CCT3: variants seen among roughly 807,000 people sequenced by gnomAD.
CCT3 encodes the protein chaperonin containing TCP1 subunit 3.
A neutral mutation model predicts 65.3 loss-of-function variants in CCT3; 10 were observed. The observed-to-expected ratio is 0.15, with a 90% CI of 0.09 to 0.26. The LOEUF is 0.26. Ranked by LOEUF, CCT3 falls within the 10% of genes least tolerant of loss-of-function variation. The pLI is 1.00. For missense variants in CCT3, 626 were observed against 708.7 expected (o/e 0.88, Z 1.33); for synonymous variants, 225 against 242.3 (o/e 0.93, Z 0.66).
chr1:156,334,968 T>A (rs766324694), intron 2 of CCT3, 50 bp from the exon 3 acceptor site: 4 of 1,543,602 alleles, frequency 2.6e-6, no homozygotes, highest in Non-Finnish European at 1.8e-6. Flanking sequence ...GAGGACAGTG[T>A]GAGAAATGTT....
chr1:156,310,653 C>G lies in CCT3; in HGVS notation c.1438G>C (p.Val480Leu). 6.2e-7 allele frequency: 1 copy of G among 1,613,964 alleles called. No individual in the cohort carries two copies. The highest frequency in any genetic ancestry group is 8.5e-7 in the Non-Finnish European group (1 of 1,179,848). Residue 480 changes from valine to leucine, a missense_variant, in exon 13 of 14, where the codon GTA becomes CTA. Coordinates refer to ENST00000295688, the MANE Select transcript of CCT3 (RefSeq NM_005998.5). ...HTQENCETWG[V>L]NGETGTLVDM... ...ACCAAAGTACCCGTCTCACCATTTA[C>G]ACCCCAGGTCTCACAGTTCTCCTGG...
intron 8 of CCT3, 112 bp from the exon 9 acceptor site, chr1:156,317,659 A>G: frequency 9.5e-7 from 1 of 1,053,308 alleles, no homozygotes. Flanking sequence ...AGTCAGAATT[A>G]TGTTAAAGCC....
At chr1:156,312,662 A>AAC (rs997923266) in intron 10 of CCT3, among the ~76,000 whole-genome samples, 3 of 152,064 alleles carry the variant, frequency 2.0e-5, no homozygotes, top group Non-Finnish European at 4.4e-5. Flanking sequence ...TATCTAAAAA[A>AAC]AAACAAACAC....
chr1:156,309,177 T>G lies in CCT3; in HGVS notation c.*22A>C, dbSNP rs2230196. 3.2e-3 allele frequency: 4,809 copies of G among 1,484,402 alleles called. 181 individuals carry two copies. In the East Asian group the frequency reaches 0.086, roughly 27 times the overall value. The allele number at this position is 1,484,402 out of a possible 1,614,324, so 92.0% of individuals were successfully genotyped here. The stretch of plus-strand genomic sequence containing the variant: ...GGGGAGACTCTGCTGGTTCTGTGCA[T>G]TGAAGTAGCCTTGCCTAGCACTCAC... On this transcript the variant is annotated 3_prime_UTR_variant, in exon 14 of 14. Transcript: ENST00000295688.
At chr1:156,337,892 A>G in intron 1 of CCT3, 1 of 539,890 alleles carries the variant, frequency 1.9e-6, no homozygotes, top group Non-Finnish European at 3.3e-6. Context: ...GAGGGACAGA[A>G]CGCGGAGTGG....
chr1:156,331,092 C>T (rs948459710), intron 5 of CCT3, among the ~76,000 whole-genome samples: 5 of 151,292 alleles, frequency 3.3e-5, no homozygotes, highest in Non-Finnish European at 2.9e-5. Flanking sequence ...ATTAGCCGGG[C>T]GCGGTGGTGG....
rs188160005 is a variant in CCT3 at position 156,331,981 on chromosome 1, G to A, written c.304+1566C>T. 6.1e-3 allele frequency among the ~76,000 whole-genome samples: 933 copies of A among 151,808 alleles called. 7 individuals carry two copies. The highest frequency in any genetic ancestry group is 0.018 in the South Asian group (85 of 4,794). On this transcript the variant is annotated intron_variant, in intron 5 of 13. Transcript: ENST00000295688. ...CGAGAGGGGGAGGTTGCGGCGAGCC[G>A]AGATTGTGCCATTGCACTCCAGCCT... is the stretch of plus-strand genomic sequence containing the variant.
intron 4 of CCT3, among the ~76,000 whole-genome samples, chr1:156,333,857 C>G (rs1483877440): frequency 6.6e-6 from 1 of 152,216 alleles, no homozygotes; most frequent in African/African-American, 2.4e-5. Context: ...ATGAACTCAA[C>G]TATTAAAGCT....
At chr1:156,322,115 C>T (rs770078917) in intron 6 of CCT3, among the ~76,000 whole-genome samples, 1 of 152,144 alleles carries the variant, frequency 6.6e-6, no homozygotes, top group Non-Finnish European at 1.5e-5. Flanking sequence ...GGTGGACATA[C>T]CTATAGTCCT....
chr1:156,309,352 C>A, intron 13 of CCT3, 49 bp from the exon 14 acceptor site: 1 of 1,262,740 alleles, frequency 7.9e-7, no homozygotes, highest in Non-Finnish European at 1.2e-6. Context: ...AAGGAAAGGA[C>A]ACTTTTCTTT....
intron 6 of CCT3, among the ~76,000 whole-genome samples, chr1:156,324,005 C>CA (rs1175725707): frequency 6.6e-6 from 1 of 151,876 alleles, no homozygotes; most frequent in African/African-American, 2.4e-5. Context: ...TCAGGTGATC[C>CA]ACCCGCCTTG....
intron 5 of CCT3, chr1:156,333,310 G>T (rs765785480): frequency 4.6e-5 from 15 of 323,602 alleles, no homozygotes; most frequent in Non-Finnish European, 5.7e-5. Flanking sequence ...AAAAAAAAAA[G>T]AATATTATAA....
At chr1:156,311,399 G>A (rs1197268748) in intron 11 of CCT3, among the ~76,000 whole-genome samples, 1 of 152,198 alleles carries the variant, frequency 6.6e-6, no homozygotes, top group Non-Finnish European at 1.5e-5. Flanking sequence ...GCGGGGAGTG[G>A]TATCTGCAAA....
At chr1:156,310,860 A>G (rs1277218107) in intron 12 of CCT3, 90 bp downstream of exon 12, 6 of 1,510,350 alleles carry the variant, frequency 4.0e-6, no homozygotes, top group Non-Finnish European at 5.4e-6. Context: ...GACTATAAAG[A>G]GAATTTGGAT....
At chr1:156,314,401 C>CATTACAT (rs1346591396) in intron 10 of CCT3, among the ~76,000 whole-genome samples, 1 of 152,114 alleles carries the variant, frequency 6.6e-6, no homozygotes, top group Non-Finnish European at 1.5e-5. Context: ...AGCTAACAGA[C>CATTACAT]ATTACATCAG....
At chr1:156,327,958 G>A (rs569539598) in intron 5 of CCT3, among the ~76,000 whole-genome samples, 1 of 147,722 alleles carries the variant, frequency 6.8e-6, no homozygotes, top group African/African-American at 2.5e-5. Flanking sequence ...TGGGAGGTGA[G>A]GAGACCCTCT....
chr1:156,312,202 C>T lies in CCT3; in HGVS notation c.994G>A (p.Val332Ile), dbSNP rs1303369995. Residue 332 changes from valine to isoleucine, a missense_variant, in exon 11 of 14, where the codon GTC becomes ATC. Transcript: ENST00000295688. ...TCTCTCAGTTCCTCTGGTCGGCTGA[C>T]TATCCGGGCCCCACAGGCTCTAATG... ...RIARACGARIVSRPEELREDD... is the reference protein window; with the variant it reads ...RIARACGARIISRPEELREDD... The T allele has an allele frequency of 6.2e-7, 1 of 1,613,910 alleles. No homozygotes were observed. Among genetic ancestry groups the T allele is most frequent in the African/African-American group, 1.3e-5 (1 of 74,918 alleles).
intron 1 of CCT3, 173 bp from the exon 2 acceptor site, chr1:156,336,061 C>T: frequency 4.0e-6 from 2 of 494,942 alleles, no homozygotes; most frequent in Non-Finnish European, 7.2e-6. Context: ...TCAACCATAT[C>T]TCAAAAAACT....
chr1:156,333,389 T>C, intron 5 of CCT3, 158 bp downstream of exon 5: 2 of 592,052 alleles, frequency 3.4e-6, no homozygotes, highest in East Asian at 2.9e-5. Flanking sequence ...CCTATTCATA[T>C]AAATGTTTTA....
Sources: allele counts gnomAD v4.1 joint callset (sites outside exome capture counted in the v4.1 genomes callset), GRCh38; gene constraint gnomAD v4.1.1; transcripts MANE v1.5; gene names NCBI Gene and HGNC (gene_info 2026-07-23, HGNC 2026-07-21).